The following RASSF9 variants were observed in gnomAD, a reference collection of about 807,000 sequenced individuals.
RASSF9 encodes Ras association domain family member 9, also known as ras association domain-containing protein 9.
Under a neutral mutation model 21.4 loss-of-function variants are expected in RASSF9, and 18 were observed. The ratio of observed to expected loss-of-function variants is 0.84; its 90% CI spans 0.58 to 1.25. RASSF9 has a LOEUF of 1.25. RASSF9 is among the 50% of genes most tolerant of loss of function. The pLI is 0.00. For missense variants in RASSF9, 480 were observed against 503.2 expected (o/e 0.95, Z 0.44); for synonymous variants, 183 against 179.1 (o/e 1.02, Z -0.18).
chr12:85,807,882 G>T (rs1879869652), intron 1 of RASSF9, among the ~76,000 whole-genome samples: 2 of 152,016 alleles, frequency 1.3e-5, no homozygotes, highest in African/African-American at 2.4e-5. Flanking sequence ...CTTTCATAAT[G>T]CCTCTTTAAA....
chr12:85,806,671 TCAAAAAAAAAAAAAAA>T (rs1285962226), intron 1 of RASSF9, among the ~76,000 whole-genome samples: 5 of 20,610 alleles, frequency 2.4e-4, no homozygotes, highest in African/African-American at 1.0e-3. Flanking sequence ...AGACTCCATC[TCAAAAAAAAAAAAAAA>T]AAAAAAAAAA....
Position 85,805,059 on chromosome 12 carries a change from A to G in RASSF9, c.951T>C (p.Ser317=). The change falls in exon 2 of 2, where the codon AGT becomes AGC. Residue 317 remains serine (S), a synonymous_variant. Transcript: ENST00000361228. ...TGCTTTTCTCCAAATCACACTTAAC[A>G]CTCTCTAAATTAGAGCTTTCCAGTT... ...ASELESSNLE[S]VKCDLEKSMK... 1 of 1,613,774 alleles carries G rather than the reference A, an allele frequency of 6.2e-7. No homozygotes were observed. Among genetic ancestry groups the G allele is most frequent in the Admixed American group, 1.7e-5 (1 of 59,984 alleles).
At chr12:85,825,778 A>T (rs953557007) in intron 1 of RASSF9, among the ~76,000 whole-genome samples, 1 of 133,514 alleles carries the variant, frequency 7.5e-6, no homozygotes, top group African/African-American at 3.1e-5. Flanking sequence ...AAATAATGTG[A>T]TCTTTACACA....
chr12:85,805,007 G>A lies in RASSF9; in HGVS notation c.1003C>T (p.His335Tyr). The A allele has an allele frequency of 6.2e-7, 1 of 1,613,918 alleles. No homozygotes were observed. The highest frequency in any genetic ancestry group is 1.6e-4 in the Middle Eastern group (1 of 6,062). ...SMKAGLKIHS[H>Y]LSGIQKEIKY... ...ATCTCTTTCTGGATGCCACTCAAAT[G>A]AGAGTGAATTTTCAAACCAGCTTTC... is the stretch of plus-strand genomic sequence containing the variant. Residue 335 changes from histidine to tyrosine, a missense_variant, in exon 2 of 2, where the codon CAT (histidine) becomes TAT (tyrosine). By Grantham distance (83) the His-to-Tyr change is moderately conservative. Coordinates refer to ENST00000361228, the MANE Select transcript of RASSF9 (RefSeq NM_005447.4).
intron 1 of RASSF9, among the ~76,000 whole-genome samples, chr12:85,808,242 G>T (rs1879878037): frequency 6.6e-6 from 1 of 152,018 alleles, no homozygotes; most frequent in Non-Finnish European, 1.5e-5. Context: ...ATACATCAGG[G>T]ATGCCAAGTA....
At chr12:85,812,444 T>C (rs1379496017) in intron 1 of RASSF9, among the ~76,000 whole-genome samples, 1 of 151,210 alleles carries the variant, frequency 6.6e-6, no homozygotes, top group Non-Finnish European at 1.5e-5. Context: ...ATAATATACA[T>C]TTTAATTTAA....
At chr12:85,833,883 C>T (rs1301272063) in intron 1 of RASSF9, among the ~76,000 whole-genome samples, 2 of 151,856 alleles carry the variant, frequency 1.3e-5, no homozygotes, top group Non-Finnish European at 2.9e-5. Context: ...ATCACATTTT[C>T]CAAGAAAGGA....
intron 1 of RASSF9, among the ~76,000 whole-genome samples, chr12:85,831,944 T>C (rs1418947634): frequency 1.3e-5 from 2 of 151,992 alleles, no homozygotes; most frequent in African/African-American, 2.4e-5. Flanking sequence ...GCAAATTTTA[T>C]GTATCAATTA....
intron 1 of RASSF9, among the ~76,000 whole-genome samples, chr12:85,811,883 T>C (rs1879962067): frequency 6.6e-6 from 1 of 151,758 alleles, no homozygotes; most frequent in African/African-American, 2.4e-5. Flanking sequence ...AATTAGGGTA[T>C]GTCACATTTT....
intron 1 of RASSF9, among the ~76,000 whole-genome samples, chr12:85,812,638 G>A (rs1456472897): frequency 2.6e-5 from 4 of 151,036 alleles, no homozygotes; most frequent in East Asian, 1.9e-4. Context: ...CAATATAGAT[G>A]TCTGGCATAT....
intron 1 of RASSF9, among the ~76,000 whole-genome samples, chr12:85,824,703 C>A (rs1392454452): frequency 6.6e-6 from 1 of 152,162 alleles, no homozygotes; most frequent in Non-Finnish European, 1.5e-5. Flanking sequence ...AATTAATATA[C>A]ACATTGAGTT....
At chr12:85,825,228 T>C (rs1880305724) in intron 1 of RASSF9, among the ~76,000 whole-genome samples, 2 of 152,198 alleles carry the variant, frequency 1.3e-5, no homozygotes, top group South Asian at 2.1e-4. Context: ...CAAAATCTAA[T>C]GTACACTTAG....
At chr12:85,822,234 A>G (rs1161413553) in intron 1 of RASSF9, among the ~76,000 whole-genome samples, 1 of 152,160 alleles carries the variant, frequency 6.6e-6, no homozygotes, top group East Asian at 1.9e-4. Context: ...TTTTGAGCTT[A>G]TATTTACCTG....
intron 1 of RASSF9, among the ~76,000 whole-genome samples, chr12:85,812,361 G>A (rs1254276951): frequency 6.6e-6 from 1 of 151,138 alleles, no homozygotes; most frequent in Non-Finnish European, 1.5e-5. Context: ...TTTAAAGATA[G>A]TTTATAATCA....
chr12:85,833,571 C>A (rs1447189268), intron 1 of RASSF9, among the ~76,000 whole-genome samples: 1 of 151,818 alleles, frequency 6.6e-6, no homozygotes, highest in Non-Finnish European at 1.5e-5. Context: ...AAATATCACT[C>A]CAAGAGTGAC....
intron 1 of RASSF9, among the ~76,000 whole-genome samples, chr12:85,822,019 T>A (rs1880223014): frequency 6.6e-6 from 1 of 152,128 alleles, no homozygotes; most frequent in South Asian, 2.1e-4. Flanking sequence ...GGGAGGTTGC[T>A]AAAGTGCCCT....
At chr12:85,835,922 T>G (rs1277255186) in intron 1 of RASSF9, among the ~76,000 whole-genome samples, 1 of 152,182 alleles carries the variant, frequency 6.6e-6, no homozygotes, top group East Asian at 1.9e-4. Flanking sequence ...CTTTATTCTC[T>G]GCGATCCTTG....
At position 85,825,987 on chromosome 12, in the gene RASSF9, G is replaced by C. The variant is rs192597926; in HGVS notation, c.47+10168C>G. Among the ~76,000 whole-genome samples, 712 of 152,242 alleles carry C rather than the reference G, an allele frequency of 4.7e-3. 6 individuals carry two copies. The highest frequency in any genetic ancestry group is 0.016 in the African/African-American group (653 of 41,534). On this transcript the variant is annotated intron_variant, in intron 1 of 1. Coordinates refer to ENST00000361228, the MANE Select transcript of RASSF9 (RefSeq NM_005447.4). ...AACCAGTTTGTGTTTTGCCTTGAAA[G>C]CCCCACTCCAGGTGCACTGTACTAT...
intron 1 of RASSF9, among the ~76,000 whole-genome samples, chr12:85,809,665 AATAATG>A (rs1043259438): frequency 1.5e-5 from 2 of 133,786 alleles, no homozygotes; most frequent in South Asian, 2.3e-4. Flanking sequence ...GTAGAATAGT[AATAATG>A]ATGATGATGA....
Sources: allele counts gnomAD v4.1 joint callset (sites outside exome capture counted in the v4.1 genomes callset), GRCh38; gene constraint gnomAD v4.1.1; transcripts MANE v1.5; gene names NCBI Gene and HGNC (gene_info 2026-07-23, HGNC 2026-07-21).